The following EVC2 variants were observed in gnomAD, a reference collection of about 807,000 sequenced individuals.
The protein encoded by EVC2 is limbin.
EVC2 carries 148 observed loss-of-function variants against 149.3 expected under a neutral mutation model. The observed-to-expected ratio is 0.99, with a 90% confidence interval of 0.87 to 1.14. EVC2 has a LOEUF of 1.14. EVC2 is among the 50% of genes most tolerant of loss of function. The pLI is 0.00. For missense variants in EVC2, 1,854 were observed against 1,627.3 expected, an observed-to-expected ratio of 1.14 and a Z score of -2.40; for synonymous variants, 776 against 649.9, an observed-to-expected ratio of 1.19 and a Z score of -2.95.
rs567458437 is a variant in EVC2, at chr4:5,689,267, T to A, written c.596A>T (p.Asn199Ile). 6.2e-7 allele frequency: 1 copy of A among 1,613,664 alleles called. No homozygotes were observed. The highest frequency in any genetic ancestry group is 1.1e-5 in the South Asian group (1 of 90,986). Residue 199 changes from asparagine (N) to isoleucine (I), a missense_variant, in exon 5 of 22, where the codon AAC becomes ATC. By Grantham distance (149) the Asn-to-Ile change is moderately radical. Transcript: ENST00000344408. ...VNNTKTTSSA[N>I]LSELLLLDSI... ...GTCCAGCAAGAGCAGCTCCGAGAGG[T>A]TGGCTGACGAGGTTGTCTTGGTGTT...
intron 16 of EVC2, among the ~76,000 whole-genome samples, chr4:5,585,824 A>ACATAT (rs1247536772): frequency 5.3e-4 from 81 of 151,896 alleles, no homozygotes; most frequent in African/African-American, 1.9e-3. Flanking sequence ...TTATAAGTGG[A>ACATAT]GTCATACGGT....
At chr4:5,647,022 T>A (rs1181458303) in intron 9 of EVC2, among the ~76,000 whole-genome samples, 2 of 152,208 alleles carry the variant, frequency 1.3e-5, no homozygotes, top group Non-Finnish European at 2.9e-5. Context: ...TATTGCCACC[T>A]GTGGGGTAGA....
intron 19 of EVC2, among the ~76,000 whole-genome samples, chr4:5,574,477 T>C (rs998341309): frequency 6.6e-6 from 1 of 152,204 alleles, no homozygotes; most frequent in African/African-American, 2.4e-5. Flanking sequence ...GGGGCACATG[T>C]GATTATGGTT....
rs1217997624 is a variant in EVC2 at position 5,685,388 on chromosome 4, G to C, written c.798C>G (p.Thr266=). 1.2e-6 allele frequency: 2 copies of C among 1,614,112 alleles called. No homozygotes were observed. The highest frequency in any genetic ancestry group is 1.7e-6 in the Non-Finnish European group (2 of 1,180,034). The change falls in exon 6 of 22, where the codon ACC becomes ACG. Residue 266 remains threonine (T), a synonymous_variant. Coordinates refer to ENST00000344408, the MANE Select transcript of EVC2 (RefSeq NM_147127.5). ...GESLKLPAQL[T]FQSSSRNRTQ... ...GTCATACCCGTGACGAGCTCTGAAA[G>C]GTGAGTTGGGCAGGAAGCTTGAGGC...
the EVC2 span, among the ~76,000 whole-genome samples, chr4:5,535,554 G>A: frequency 6.6e-6 from 1 of 150,950 alleles, no homozygotes; most frequent in African/African-American, 2.4e-5. This position sits in a 1 kb window ranked among gnomAD's most constrained non-coding sequence, Gnocchi z 4.7. Context: ...GAGACTGAAA[G>A]GCCAAGATCA....
intron 7 of EVC2, among the ~76,000 whole-genome samples, chr4:5,675,801 G>A (rs1411965848): frequency 2.0e-5 from 3 of 152,074 alleles, no homozygotes; most frequent in African/African-American, 4.8e-5. Context: ...AAAATTAGCT[G>A]GGCCTGGTGG....
At chr4:5,596,108 A>G (rs567358306) in intron 16 of EVC2, among the ~76,000 whole-genome samples, 1 of 152,220 alleles carries the variant, frequency 6.6e-6, no homozygotes, top group Non-Finnish European at 1.5e-5. Flanking sequence ...AGACTCCCAC[A>G]CAATAACAAT....
At chr4:5,656,321 C>T (rs1480765758) in intron 9 of EVC2, among the ~76,000 whole-genome samples, 3 of 152,212 alleles carry the variant, frequency 2.0e-5, no homozygotes, top group Non-Finnish European at 2.9e-5. Context: ...CTCTAACTCA[C>T]TGACCCCCTC....
At chr4:5,597,319 T>C (rs1713529978) in intron 16 of EVC2, among the ~76,000 whole-genome samples, 1 of 152,210 alleles carries the variant, frequency 6.6e-6, no homozygotes, top group East Asian at 1.9e-4. Flanking sequence ...AAATCCTCAG[T>C]AAAATACAGG....
At chr4:5,706,668 GC>G (rs1241512467) in intron 1 of EVC2, among the ~76,000 whole-genome samples, 1 of 152,030 alleles carries the variant, frequency 6.6e-6, no homozygotes, top group East Asian at 1.9e-4. Flanking sequence ...AGAGGGAGTG[GC>G]CAAGGCAGGG....
At chr4:5,577,401 GA>G (rs1416410935) in intron 17 of EVC2, among the ~76,000 whole-genome samples, 1 of 152,188 alleles carries the variant, frequency 6.6e-6, no homozygotes. Flanking sequence ...CCAGGCCTTG[GA>G]GAATGCAGGC....
At chr4:5,605,199 A>G (rs960339142) in intron 16 of EVC2, among the ~76,000 whole-genome samples, 4 of 152,134 alleles carry the variant, frequency 2.6e-5, no homozygotes, top group Non-Finnish European at 5.9e-5. Flanking sequence ...ATTTGGGGGG[A>G]GTCAGATGTT....
At position 5,621,685 on chromosome 4, in the gene EVC2, C is replaced by T. The variant is rs73198150; in HGVS notation, c.2501+852G>A. On this transcript the variant is annotated intron_variant, in intron 14 of 21. Transcript: ENST00000344408. ...AAGTAAAGAACTGTGGGCACTGGCC[C>T]CTCTGGAATATGACTCCGACTTGTC... is the stretch of plus-strand genomic sequence containing the variant. Among the ~76,000 whole-genome samples, 550 of 152,218 alleles carry T rather than the reference C, an allele frequency of 3.6e-3. 3 individuals carry two copies. Among genetic ancestry groups the T allele is most frequent in the Non-Finnish European group, 6.3e-3 (428 of 68,022 alleles).
In EVC2 at chr4:5,574,739, T is replaced by C. The variant is rs1245971850; in HGVS notation, c.3306A>G (p.Leu1102=). 2 of 1,614,212 alleles carry C rather than the reference T, an allele frequency of 1.2e-6. No homozygotes were observed. Among genetic ancestry groups the C allele is most frequent in the East Asian group, 2.2e-5 (1 of 44,880 alleles). Residue 1102 remains leucine (L), a synonymous_variant, in exon 19 of 22, where the codon CTA becomes CTG. Coordinates refer to ENST00000344408, the MANE Select transcript of EVC2 (RefSeq NM_147127.5). ...CCTCCATGTTTTCCAACAAGTCTTC[T>C]AGCACGACACTGTTCTGTTGTTCCT... is the stretch of plus-strand genomic sequence containing the variant. ...LREEQQNSVV[L]EDLLENMEAD...
intron 6 of EVC2, among the ~76,000 whole-genome samples, chr4:5,682,195 T>C (rs867336160): frequency 6.6e-6 from 1 of 152,076 alleles, no homozygotes; most frequent in African/African-American, 2.4e-5. Context: ...GCAGCAGCAG[T>C]AGTAGCAATA....
intron 16 of EVC2, among the ~76,000 whole-genome samples, chr4:5,596,939 C>T (rs892484675): frequency 6.6e-6 from 1 of 152,202 alleles, no homozygotes; most frequent in Admixed American, 6.5e-5. Context: ...ACAAACACCT[C>T]TACGCAAATA....
intron 6 of EVC2, among the ~76,000 whole-genome samples, chr4:5,682,599 T>A (rs1577247432): frequency 6.7e-6 from 1 of 148,628 alleles, no homozygotes. Flanking sequence ...TGGCTCACAC[T>A]TGTAATCTCA....
Position 5,618,425 on chromosome 4 carries a change from C to A in EVC2, c.2706+53G>T. 1.2e-6 allele frequency: 2 copies of A among 1,604,926 alleles called. No homozygotes were observed. Among genetic ancestry groups the A allele is most frequent in the South Asian group, 1.1e-5 (1 of 90,438 alleles). On this transcript the variant is annotated intron_variant, in intron 15 of 21. Coordinates refer to ENST00000344408, the MANE Select transcript of EVC2 (RefSeq NM_147127.5). This position sits in a 1 kb window ranked among gnomAD's most constrained non-coding sequence, Gnocchi z 4.4. ...AAGAGGCCAGACCCTGTAGGGCCAG[C>A]AGCTGGGAGACGGCCCTGCTTCTGT...
chr4:5,586,605 C>T (rs548217270), intron 16 of EVC2, among the ~76,000 whole-genome samples: 153 of 152,282 alleles, frequency 1.0e-3, no homozygotes, highest in African/African-American at 3.4e-3. Context: ...CTGAAGCCTG[C>T]TACCTGGAGG....
Sources: allele counts gnomAD v4.1 joint callset (sites outside exome capture counted in the v4.1 genomes callset), GRCh38; gene constraint gnomAD v4.1.1; non-coding constraint Gnocchi (gnomAD v3.1); transcripts MANE v1.5; gene names NCBI Gene and HGNC (gene_info 2026-07-23, HGNC 2026-07-21).